TTLL5: variants seen among roughly 807,000 people sequenced by gnomAD.
TTLL5 encodes the protein tubulin tyrosine ligase like 5.
In TTLL5, 132 loss-of-function variants were observed where a neutral mutation model predicts 168.4. The observed-to-expected ratio is 0.78, with a 90% CI of 0.68 to 0.91. The LOEUF (loss-of-function observed/expected upper bound fraction) is 0.91. Ranked by LOEUF, TTLL5 falls within the 40% of genes least tolerant of loss-of-function variation. The pLI is 0.00. For missense variants in TTLL5, 1,545 were observed against 1,581.5 expected (o/e 0.98, Z 0.39); for synonymous variants, 546 against 558.6 (o/e 0.98, Z 0.32).
At chr14:75,933,657 C>T (rs1196558597) in intron 31 of TTLL5, among the ~76,000 whole-genome samples, 1 of 152,198 alleles carries the variant, frequency 6.6e-6, no homozygotes, top group Non-Finnish European at 1.5e-5. Flanking sequence ...TCCACTTAAG[C>T]TTCTCTAAAG....
chr14:75,949,790 C>T (rs1415919613), intron 31 of TTLL5, among the ~76,000 whole-genome samples: 1 of 150,794 alleles, frequency 6.6e-6, no homozygotes, highest in Non-Finnish European at 1.5e-5. Flanking sequence ...ATGGAAGCTG[C>T]AGTGAGCTGA....
chr14:75,900,997 G>A (rs1304495778), intron 30 of TTLL5, among the ~76,000 whole-genome samples: 1 of 152,134 alleles, frequency 6.6e-6, no homozygotes, highest in Non-Finnish European at 1.5e-5. Context: ...AATAGTGTCG[G>A]GAGAGAGATA....
chr14:75,924,438 C>T (rs2033937796), intron 31 of TTLL5, among the ~76,000 whole-genome samples: 1 of 151,738 alleles, frequency 6.6e-6, no homozygotes, highest in African/African-American at 2.4e-5. Flanking sequence ...CGGCCTTCCG[C>T]AGTGTTTGTG....
intron 31 of TTLL5, among the ~76,000 whole-genome samples, chr14:75,933,412 G>A (rs986983936): frequency 3.3e-4 from 51 of 152,284 alleles, no homozygotes; most frequent in African/African-American, 9.1e-4. Flanking sequence ...GCAGTCAGCC[G>A]GATCATGCTA....
intron 31 of TTLL5, among the ~76,000 whole-genome samples, chr14:75,915,430 C>A (rs1287699481): frequency 6.6e-6 from 1 of 152,200 alleles, no homozygotes; most frequent in African/African-American, 2.4e-5. Context: ...GCAGCATTAC[C>A]ACTGCTGTTG....
At chr14:75,902,909 A>G (rs942028199) in intron 31 of TTLL5, among the ~76,000 whole-genome samples, 1 of 152,244 alleles carries the variant, frequency 6.6e-6, no homozygotes, top group Non-Finnish European at 1.5e-5. Context: ...CGGGTGAACA[A>G]GACAGTCTGC....
chr14:75,873,042 C>G (rs1180524879), intron 29 of TTLL5, among the ~76,000 whole-genome samples: 3 of 150,498 alleles, frequency 2.0e-5, no homozygotes, highest in Admixed American at 1.3e-4. Context: ...GTATTGTTAA[C>G]TATATGCATA....
intron 15 of TTLL5, among the ~76,000 whole-genome samples, chr14:75,736,740 G>A (rs1269150514): frequency 1.3e-5 from 2 of 152,164 alleles, no homozygotes; most frequent in Admixed American, 6.5e-5. Flanking sequence ...CTATGACCCC[G>A]TGCTGCAGAA....
In TTLL5 at chr14:75,827,256, CCGTAA is replaced by C. The variant is rs762635730; in HGVS notation, c.3326+7097_3326+7101del. Among the ~76,000 whole-genome samples, 3 of 152,130 alleles carry C rather than the reference CCGTAA, an allele frequency of 2.0e-5. 1 individual carries two copies. Among genetic ancestry groups the C allele is most frequent in the East Asian group, 3.9e-4 (2 of 5,192 alleles). Reference sequence around the variant, plus strand: ...TGGGACACAGTTTAGAGTCAACTGGCCGTAACTCACGTACAATAAAATACAGTATT... The same window carrying C: ...TGGGACACAGTTTAGAGTCAACTGGCCTCACGTACAATAAAATACAGTATT... On this transcript the variant is annotated intron_variant, in intron 28 of 31. Transcript: ENST00000298832.
chr14:75,669,471 T>C lies in TTLL5; in HGVS notation c.130T>C (p.Phe44Leu). The C allele has an allele frequency of 6.2e-7, 1 of 1,614,154 alleles. No homozygotes were observed. The highest frequency in any genetic ancestry group is 8.5e-7 in the Non-Finnish European group (1 of 1,179,970). Residue 44 changes from phenylalanine (F) to leucine (L), a missense_variant, in exon 3 of 32, where the codon TTC becomes CTC. Physicochemically the swap from Phe to Leu is conservative, Grantham distance 22. Coordinates refer to ENST00000298832, the MANE Select transcript of TTLL5 (RefSeq NM_015072.5). The part of the protein sequence containing the change: ...GGCRRIPVLV[F>L]HADAILTKDN... ...CTGCAGGAGAATTCCAGTTTTGGTA[T>C]TCCATGCCGACGCTATTCTTACAAA...
chr14:75,793,175 C>G, intron 27 of TTLL5, 75 bp downstream of exon 27: 7 of 1,365,290 alleles, frequency 5.1e-6, no homozygotes, highest in Non-Finnish European at 6.8e-6. Flanking sequence ...TTTGTCTTTC[C>G]CTGTCTTTAC....
Position 75,718,182 on chromosome 14 carries a change from G to A in TTLL5, c.842+220G>A, listed in dbSNP as rs1887596209. 2.0e-5 allele frequency among the ~76,000 whole-genome samples: 3 copies of A among 152,150 alleles called. No homozygotes were observed. In the South Asian group the frequency reaches 6.2e-4, roughly 32 times the overall value. On this transcript the variant is annotated intron_variant, in intron 10 of 31. Transcript: ENST00000298832. ...GTGTCACCTTTCTCTACCAAAATGT[G>A]CCTTCACAAGTTTTTCTTCCTCACT...
chr14:75,805,915 T>C (rs1451105068), intron 27 of TTLL5, among the ~76,000 whole-genome samples: 1 of 152,184 alleles, frequency 6.6e-6, no homozygotes, highest in African/African-American at 2.4e-5. Flanking sequence ...TTCCATCTAC[T>C]GTCCTGCTTA....
chr14:75,764,820 A>AGAAG, intron 19 of TTLL5, 48 bp downstream of exon 19: 4 of 1,607,772 alleles, frequency 2.5e-6, no homozygotes, highest in Non-Finnish European at 3.4e-6. Context: ...GGATCCTGCC[A>AGAAG]GACTGAGTTA....
At chr14:75,762,050 A>G (rs910709671) in intron 18 of TTLL5, among the ~76,000 whole-genome samples, 1 of 152,156 alleles carries the variant, frequency 6.6e-6, no homozygotes, top group Admixed American at 6.5e-5. Flanking sequence ...GTAAGTAGGT[A>G]TATGGTTGTT....
chr14:75,860,284 A>G (rs1043205798), intron 28 of TTLL5, among the ~76,000 whole-genome samples: 3 of 152,146 alleles, frequency 2.0e-5, no homozygotes, highest in Non-Finnish European at 2.9e-5. Context: ...ATCCCCACAT[A>G]AAGGGGCCTG....
Position 75,954,756 on chromosome 14 carries a change from C to G in TTLL5, c.*310C>G, listed in dbSNP as rs1239543386. 2 of 409,012 alleles carry G rather than the reference C, an allele frequency of 4.9e-6. No homozygotes were observed. The highest frequency in any genetic ancestry group is 8.9e-6 in the Non-Finnish European group (2 of 225,646). 25.3% of individuals were successfully genotyped at this position (409,012 alleles called of 1,614,324 possible). On this transcript the variant is annotated 3_prime_UTR_variant, in exon 32 of 32. Transcript: ENST00000298832. ...CTTCCCTTTGCCCCATGCCCCCAAA[C>G]TGCTTAGGTCTTCTCTGTCCCTTTA...
chr14:75,767,539 A>C (rs1891037866), intron 20 of TTLL5, among the ~76,000 whole-genome samples: 1 of 152,218 alleles, frequency 6.6e-6, no homozygotes, highest in Non-Finnish European at 1.5e-5. Flanking sequence ...GCAAGTACAA[A>C]AGCCCAGACA....
intron 21 of TTLL5, among the ~76,000 whole-genome samples, chr14:75,773,855 A>G (rs1334149052): frequency 6.8e-6 from 1 of 146,162 alleles, no homozygotes; most frequent in Admixed American, 6.9e-5. Context: ...ACACCACTGC[A>G]CTTCAGGCTG....
Sources: gnomAD v4.1 joint callset for allele counts (sites outside exome capture counted in the v4.1 genomes callset) on GRCh38, gnomAD v4.1.1 for gene constraint, MANE v1.5 for transcripts, NCBI Gene and HGNC (gene_info 2026-07-23, HGNC 2026-07-21) for gene names.